Variants in MYO16 observed in about 807,000 individuals in gnomAD.
The protein encoded by MYO16 is unconventional myosin-XVI.
A neutral mutation model predicts 205.3 loss-of-function variants in MYO16; 94 were observed. The ratio of observed to expected loss-of-function variants is 0.46; its 90% CI spans 0.39 to 0.54. The LOEUF (loss-of-function observed/expected upper bound fraction) is 0.54. Ranked by LOEUF, MYO16 falls within the 20% of genes least tolerant of loss-of-function variation. The probability of loss-of-function intolerance (pLI) is 0.00; values close to 1 mark genes in which losing one functional copy is unlikely to be tolerated. For missense variants in MYO16, 2,315 were observed against 2,387.5 expected, an observed-to-expected ratio of 0.97 and a Z score of 0.63; for synonymous variants, 988 against 954.0, an observed-to-expected ratio of 1.04 and a Z score of -0.66.
At chr13:108,633,222 G>C (rs1474224320) in intron 1 of MYO16, among the ~76,000 whole-genome samples, 1 of 152,150 alleles carries the variant, frequency 6.6e-6, no homozygotes, top group Admixed American at 6.5e-5. Flanking sequence ...TAATAAGATA[G>C]ATGTATATAT....
At chr13:109,165,182 A>T in intron 33 of MYO16, 123 bp downstream of exon 33, 1 of 668,902 alleles carries the variant, frequency 1.5e-6, no homozygotes, top group Non-Finnish European at 2.4e-6. Context: ...TAGAATATAA[A>T]CCATGAAACT....
chr13:109,047,082 T>C (rs888823303), intron 24 of MYO16, 91 bp downstream of exon 24: 13 of 980,288 alleles, frequency 1.3e-5, no homozygotes, highest in East Asian at 2.4e-5. Context: ...GAAAATATGC[T>C]ACCAGCTAAA....
intron 16 of MYO16, among the ~76,000 whole-genome samples, chr13:108,932,639 A>G (rs1414101951): frequency 6.6e-6 from 1 of 151,958 alleles, no homozygotes; most frequent in African/African-American, 2.4e-5. Flanking sequence ...ATAGACATTT[A>G]TTTTCCCACC....
At chr13:108,936,752 A>G (rs1882509233) in intron 16 of MYO16, among the ~76,000 whole-genome samples, 1 of 152,132 alleles carries the variant, frequency 6.6e-6, no homozygotes, top group Admixed American at 6.5e-5. Flanking sequence ...TAAAGACAGT[A>G]GTTGGATGGG....
chr13:108,504,275 C>A, the MYO16 span, among the ~76,000 whole-genome samples: 1 of 151,978 alleles, frequency 6.6e-6, no homozygotes, highest in African/African-American at 2.4e-5. Context: ...GCACATGCTA[C>A]CATGCCCAGC....
chr13:109,206,568 T>C, intron 34 of MYO16, 41 bp from the exon 35 acceptor site: 1 of 1,456,578 alleles, frequency 6.9e-7, no homozygotes, highest in Non-Finnish European at 9.6e-7. Flanking sequence ...ATTCACAATA[T>C]TTGGTGCTAC....
At chr13:108,634,281 G>A (rs940731348) in intron 1 of MYO16, among the ~76,000 whole-genome samples, 1 of 152,048 alleles carries the variant, frequency 6.6e-6, no homozygotes, top group Non-Finnish European at 1.5e-5. Flanking sequence ...GAGTGTCTGC[G>A]CATGTATTCC....
chr13:108,910,407 T>C (rs1033370428), intron 16 of MYO16, among the ~76,000 whole-genome samples: 1 of 152,190 alleles, frequency 6.6e-6, no homozygotes, highest in Admixed American at 6.5e-5. Context: ...TAAACTCCTA[T>C]ACTCCTTTTA....
chr13:108,621,098 C>G (rs1165907597), intron 1 of MYO16, among the ~76,000 whole-genome samples: 2 of 152,200 alleles, frequency 1.3e-5, no homozygotes, highest in African/African-American at 4.8e-5. Flanking sequence ...TCCTACTCAT[C>G]CTCTGGTGTG....
chr13:108,931,560 T>C (rs1280082484), intron 16 of MYO16, among the ~76,000 whole-genome samples: 1 of 152,164 alleles, frequency 6.6e-6, no homozygotes, highest in Non-Finnish European at 1.5e-5. Flanking sequence ...ATCTGTACTG[T>C]GGAATTCATC....
chr13:108,632,955 T>G (rs1458126269), intron 1 of MYO16, among the ~76,000 whole-genome samples: 1 of 152,184 alleles, frequency 6.6e-6, no homozygotes. Flanking sequence ...GAGGTCTACC[T>G]GTGGAGTTCC....
chr13:108,521,863 C>G, the MYO16 span, among the ~76,000 whole-genome samples: 2 of 152,160 alleles, frequency 1.3e-5, no homozygotes, highest in African/African-American at 4.8e-5. Flanking sequence ...TATACTTTCT[C>G]TAGATGTACA....
intron 20 of MYO16, among the ~76,000 whole-genome samples, chr13:108,965,596 G>T (rs1295180317): frequency 1.3e-5 from 2 of 152,000 alleles, no homozygotes; most frequent in African/African-American, 2.4e-5. Flanking sequence ...AGTAGAGATG[G>T]GGTTTCTCCA....
chr13:108,959,401 G>A (rs149645722), intron 17 of MYO16, among the ~76,000 whole-genome samples: 3 of 152,282 alleles, frequency 2.0e-5, no homozygotes, highest in Non-Finnish European at 2.9e-5. Context: ...CAAAATATCA[G>A]TTGCCTGGAA....
chr13:108,563,129 G>T, the MYO16 span, among the ~76,000 whole-genome samples: 2 of 151,988 alleles, frequency 1.3e-5, no homozygotes, highest in African/African-American at 4.8e-5. Context: ...TTTGTTATTG[G>T]AGTTTTAAAA....
At position 108,605,353 on chromosome 13, in the gene MYO16, G is replaced by C. The variant is rs1454617720; in HGVS notation, c.-39+9114G>C. Among the ~76,000 whole-genome samples, 6 of 152,086 alleles carry C rather than the reference G, an allele frequency of 3.9e-5. No homozygotes were observed. The South Asian group carries it at 1.2e-3, about 31-fold the overall frequency. On this transcript the variant is annotated intron_variant, in intron 1 of 24. Coordinates refer to the MYO16 transcript ENST00000251041. ...CATGTGAAAAAAAATCCCTTCCAAT[G>C]TCCAAGTATCCTGCAATGTTGCAGG... is the stretch of plus-strand genomic sequence containing the variant.
In MYO16 at chr13:108,637,418, A is replaced by C. The variant is rs188392496; in HGVS notation, c.28+7546A>C. Among the ~76,000 whole-genome samples the C allele has an allele frequency of 2.5e-3, 385 of 152,360 alleles. 1 individual carries two copies. The highest frequency in any genetic ancestry group is 4.6e-3 in the Non-Finnish European group (315 of 68,030). On this transcript the variant is annotated intron_variant, in intron 1 of 34. Coordinates refer to ENST00000457511, the MANE Select transcript of MYO16 (RefSeq NM_001198950.3). ...TCAGTATCACATTAAAGATATAAAC[A>C]TGCCACAGTAACTTAACTGATAGAC... is the stretch of plus-strand genomic sequence containing the variant.
At chr13:108,551,353 G>C in the MYO16 span, among the ~76,000 whole-genome samples, 47 of 152,218 alleles carry the variant, frequency 3.1e-4, no homozygotes, top group South Asian at 1.0e-3. Flanking sequence ...CAAAACTGAG[G>C]CTGCTTCTTC....
At chr13:108,615,507 A>G (rs189568170) in intron 1 of MYO16, among the ~76,000 whole-genome samples, 37 of 152,276 alleles carry the variant, frequency 2.4e-4, no homozygotes, top group African/African-American at 7.9e-4. Context: ...ATGAATGAAT[A>G]TTCATAGCAT....
Sources: gnomAD v4.1 joint callset for allele counts (sites outside exome capture counted in the v4.1 genomes callset) on GRCh38, gnomAD v4.1.1 for gene constraint, MANE v1.5 for transcripts, NCBI Gene and HGNC (gene_info 2026-07-23, HGNC 2026-07-21) for gene names.